GSDMC: variants seen among roughly 807,000 people sequenced by gnomAD.
GSDMC encodes the protein gasdermin C.
In GSDMC, 59 loss-of-function variants were observed where a neutral mutation model predicts 58.0. The ratio of observed to expected loss-of-function variants is 1.02; its 90% CI spans 0.82 to 1.26. The LOEUF is 1.26. Among genes scored for constraint, GSDMC ranks in the 50% most tolerant of loss-of-function variants. The pLI is 0.00. For synonymous variants in GSDMC, 241 were observed against 220.2 expected, an observed-to-expected ratio of 1.09 and a Z score of -0.83; for missense variants, 659 against 598.5, an observed-to-expected ratio of 1.10 and a Z score of -1.06.
At chr8:129,718,204 C>G in the GSDMC span, among the ~76,000 whole-genome samples, 1 of 152,048 alleles carries the variant, frequency 6.6e-6, no homozygotes, top group African/African-American at 2.4e-5. Flanking sequence ...AGCTTTTGCA[C>G]AGCAAAAGAA....
chr8:129,778,437 C>T lies in GSDMC; in HGVS notation c.-4-846G>A, dbSNP rs531355599. 5.9e-5 allele frequency among the ~76,000 whole-genome samples: 9 copies of T among 152,208 alleles called. No homozygotes were observed. The South Asian group carries it at 1.2e-3, about 21-fold the overall frequency. On this transcript the variant is annotated intron_variant, in intron 1 of 13. Coordinates refer to ENST00000276708, the MANE Select transcript of GSDMC (RefSeq NM_031415.3). ...AGAGTGAAAATGGACCATTTCCTTACACCATATTCAAAAATCAACTCAAGA... is the reference window on the plus strand; with the variant it reads ...AGAGTGAAAATGGACCATTTCCTTATACCATATTCAAAAATCAACTCAAGA...
chr8:129,707,908 C>T, the GSDMC span, among the ~76,000 whole-genome samples: 2 of 152,202 alleles, frequency 1.3e-5, no homozygotes, highest in African/African-American at 2.4e-5. Context: ...GCTTTCTTTT[C>T]GCACTCAGAG....
chr8:129,776,078 C>T (rs758714858), intron 3 of GSDMC, 24 bp downstream of exon 3: 1 of 1,577,862 alleles, frequency 6.3e-7, no homozygotes, highest in Admixed American at 1.7e-5. Context: ...GATGATCCAT[C>T]CCCTTCCTCT....
At chr8:129,769,839 C>T (rs915506737) in intron 3 of GSDMC, among the ~76,000 whole-genome samples, 9 of 151,986 alleles carry the variant, frequency 5.9e-5, no homozygotes, top group Admixed American at 1.3e-4. Context: ...AAAGACTTTC[C>T]CAAACAAAAG....
chr8:129,738,933 C>T, the GSDMC span, among the ~76,000 whole-genome samples: 1 of 152,090 alleles, frequency 6.6e-6, no homozygotes. Context: ...CAAAATAAAA[C>T]TGAAACCTTT....
the GSDMC span, among the ~76,000 whole-genome samples, chr8:129,736,969 A>C: frequency 6.6e-6 from 1 of 152,234 alleles, no homozygotes. Context: ...AATGTGCAAA[A>C]ATCACAAGCA....
At chr8:129,766,313 G>A (rs1172877542) in intron 3 of GSDMC, among the ~76,000 whole-genome samples, 3 of 152,136 alleles carry the variant, frequency 2.0e-5, no homozygotes, top group South Asian at 4.1e-4. Context: ...GATTGGTAGG[G>A]CTGACTTGAT....
At chr8:129,736,400 G>C in the GSDMC span, among the ~76,000 whole-genome samples, 1 of 152,146 alleles carries the variant, frequency 6.6e-6, no homozygotes, top group Non-Finnish European at 1.5e-5. Flanking sequence ...ATAAAATACT[G>C]GCAAACCAAA....
At chr8:129,706,961 G>T in the GSDMC span, 1 of 152,134 alleles carries the variant, frequency 6.6e-6, no homozygotes, top group African/African-American at 2.4e-5. Context: ...GCTAGGTTCT[G>T]GAAAATAGAG....
At chr8:129,774,528 C>CAAAAA (rs34881340) in intron 3 of GSDMC, among the ~76,000 whole-genome samples, 1 of 119,538 alleles carries the variant, frequency 8.4e-6, no homozygotes, top group Non-Finnish European at 1.8e-5. Context: ...GCAACAGCAG[C>CAAAAA]AAAAAAAAAA....
chr8:129,781,655 G>C (rs1285912729), intron 1 of GSDMC, among the ~76,000 whole-genome samples: 3 of 151,444 alleles, frequency 2.0e-5, no homozygotes, highest in African/African-American at 4.9e-5. Context: ...TGAGGCAGGA[G>C]AATGGCGTGA....
In GSDMC at chr8:129,748,250, G is replaced by A. The variant is rs964187098; in HGVS notation, c.*251C>T. 16 of 314,828 alleles carry A rather than the reference G, an allele frequency of 5.1e-5. No individual in the cohort carries two copies. Among genetic ancestry groups the A allele is most frequent in the South Asian group, 2.6e-4 (2 of 7,812 alleles). The allele number at this position is 314,828 out of a possible 1,614,324, so 19.5% of individuals were successfully genotyped here. On this transcript the variant is annotated 3_prime_UTR_variant, in exon 14 of 14. Coordinates refer to ENST00000276708, the MANE Select transcript of GSDMC (RefSeq NM_031415.3). ...AAGTAAAATTTATACATAGTGAAACGCTTACGTCTTTAACATACTATTTGA... is the reference window on the plus strand; with the variant it reads ...AAGTAAAATTTATACATAGTGAAACACTTACGTCTTTAACATACTATTTGA...
chr8:129,709,587 AGAT>A, the GSDMC span, among the ~76,000 whole-genome samples: 3 of 137,414 alleles, frequency 2.2e-5, no homozygotes, highest in South Asian at 2.4e-4. Flanking sequence ...ATAGATAGAT[AGAT>A]GATAGATAGA....
chr8:129,742,581 G>A, the GSDMC span, among the ~76,000 whole-genome samples: 2 of 152,016 alleles, frequency 1.3e-5, no homozygotes, highest in Admixed American at 1.3e-4. Flanking sequence ...TAGCTGCCTT[G>A]GCTTCCCCAG....
At chr8:129,736,167 A>C in the GSDMC span, among the ~76,000 whole-genome samples, 1 of 152,184 alleles carries the variant, frequency 6.6e-6, no homozygotes, top group Non-Finnish European at 1.5e-5. Context: ...TACCAACCAA[A>C]AAAAGTCCAG....
intron 3 of GSDMC, among the ~76,000 whole-genome samples, chr8:129,766,281 G>A (rs942834435): frequency 1.3e-5 from 2 of 152,198 alleles, no homozygotes; most frequent in African/African-American, 4.8e-5. Flanking sequence ...GACCGTTACG[G>A]ATTTACTGTC....
intron 6 of GSDMC, among the ~76,000 whole-genome samples, chr8:129,758,263 C>T (rs1265308310): frequency 6.6e-6 from 1 of 152,134 alleles, no homozygotes; most frequent in Non-Finnish European, 1.5e-5. Context: ...TAGTTTCATA[C>T]TGAGTGGGGA....
intron 6 of GSDMC, among the ~76,000 whole-genome samples, chr8:129,754,336 G>A (rs758334652): frequency 5.3e-5 from 8 of 152,128 alleles, no homozygotes; most frequent in Non-Finnish European, 1.2e-4. Flanking sequence ...AGAAAGTAAG[G>A]GGAAAAAACA....
chr8:129,772,208 C>T (rs1374041425), intron 3 of GSDMC, among the ~76,000 whole-genome samples: 4 of 139,684 alleles, frequency 2.9e-5, no homozygotes, highest in Non-Finnish European at 4.5e-5. Flanking sequence ...ATGCAGTGAG[C>T]GGAGATCGCG....
Sources: gnomAD v4.1 joint callset for allele counts (sites outside exome capture counted in the v4.1 genomes callset) on GRCh38, gnomAD v4.1.1 for gene constraint, MANE v1.5 for transcripts, NCBI Gene and HGNC (gene_info 2026-07-23, HGNC 2026-07-21) for gene names.